The following HESX1 variants were observed in gnomAD, a reference collection of about 807,000 sequenced individuals.
HESX1 encodes HESX homeobox 1.
Under a neutral mutation model 22.5 loss-of-function variants are expected in HESX1, and 11 were observed. That is an observed-to-expected ratio of 0.49 (90% CI 0.31 to 0.81). The LOEUF is 0.81. Among genes scored for constraint, HESX1 ranks in the 30% least tolerant of loss-of-function variants. The pLI is 0.05. For synonymous variants in HESX1, 74 were observed against 76.5 expected, an observed-to-expected ratio of 0.97 and a Z score of 0.17; for missense variants, 201 against 212.6, an observed-to-expected ratio of 0.95 and a Z score of 0.34.
chr3:57,199,663 A>G (rs1487778058), intron 1 of HESX1, 99 bp downstream of exon 1: 2 of 707,328 alleles, frequency 2.8e-6, no homozygotes, highest in Non-Finnish European at 4.3e-6. Context: ...AAATTAAATT[A>G]AAGTCCTAAA....
chr3:57,202,988 A>C (rs2060498851), upstream of HESX1, among the ~76,000 whole-genome samples: 2 of 152,210 alleles, frequency 1.3e-5, no homozygotes, highest in Admixed American at 6.5e-5. Flanking sequence ...GAGTGAAGTC[A>C]GTGGTACCAG....
At position 57,217,861 on chromosome 3, in the gene HESX1, T is replaced by C. The variant is rs111581495; in HGVS notation, c.-111+8435A>G. Among the ~76,000 whole-genome samples the C allele has an allele frequency of 1.2e-3, 190 of 152,232 alleles. 1 individual carries two copies. The highest frequency in any genetic ancestry group is 4.4e-3 in the African/African-American group (182 of 41,510). ...CCAAACACCCTCTTTACCAATTTTG[T>C]GCTCTGACAACCCCCTCCACAGATG... On this transcript the variant is annotated intron_variant, in intron 1 of 2. Coordinates refer to the HESX1 transcript ENST00000495160.
chr3:57,207,276 A>C (rs1184047365), intron 1 of HESX1, among the ~76,000 whole-genome samples: 2 of 152,168 alleles, frequency 1.3e-5, no homozygotes, highest in Non-Finnish European at 2.9e-5. Flanking sequence ...GTAAAGGTTA[A>C]CAATGACATT....
intron 1 of HESX1, among the ~76,000 whole-genome samples, chr3:57,215,852 G>A (rs990942235): frequency 4.6e-5 from 7 of 151,920 alleles, no homozygotes; most frequent in African/African-American, 1.7e-4. Flanking sequence ...CATGTTCAAC[G>A]GTCTATTCAC....
rs1405988156 is a variant in HESX1 at position 57,198,928 on chromosome 3, T to C, written c.182A>G (p.His61Arg). ...AATCCCACTGGGAGGATTTGGGACA[T>C]GTAGACATAAGTTACCATCTTTCCC... ...SSGKDGNLCL[H>R]VPNPPSGISF... The change falls in exon 2 of 4, where the codon CAT (histidine) becomes CGT (arginine). Residue 61 changes from histidine (H) to arginine (R), a missense_variant. Coordinates refer to ENST00000295934, the MANE Select transcript of HESX1 (RefSeq NM_003865.3). 10 of 1,614,046 alleles carry C rather than the reference T, an allele frequency of 6.2e-6. No individual in the cohort carries two copies. Among genetic ancestry groups the C allele is most frequent in the South Asian group, 1.1e-5 (1 of 91,090 alleles).
upstream of HESX1, among the ~76,000 whole-genome samples, chr3:57,200,470 T>C (rs1458068681): frequency 6.6e-6 from 1 of 152,216 alleles, no homozygotes; most frequent in Non-Finnish European, 1.5e-5. Context: ...TGCCTGTTTT[T>C]CATATGCATA....
chr3:57,223,531 C>A (rs933567502), intron 1 of HESX1, among the ~76,000 whole-genome samples: 1 of 152,188 alleles, frequency 6.6e-6, no homozygotes, highest in African/African-American at 2.4e-5. Flanking sequence ...GAAGAACCAA[C>A]CAGTTGGTCC....
At chr3:57,218,446 T>C (rs1035199736) in intron 1 of HESX1, among the ~76,000 whole-genome samples, 1 of 148,630 alleles carries the variant, frequency 6.7e-6, no homozygotes, top group East Asian at 2.0e-4. Context: ...ATTCTTTTTT[T>C]TTTTTTTTTT....
chr3:57,221,360 T>C (rs1320924725), intron 1 of HESX1, among the ~76,000 whole-genome samples: 1 of 152,142 alleles, frequency 6.6e-6, no homozygotes, highest in African/African-American at 2.4e-5. Flanking sequence ...TCTTGTCATG[T>C]TGCTCAGGCT....
intron 1 of HESX1, among the ~76,000 whole-genome samples, chr3:57,225,140 T>A (rs921217883): frequency 1.2e-4 from 18 of 152,192 alleles, no homozygotes; most frequent in African/African-American, 4.3e-4. Context: ...CAAAAAGGAC[T>A]ATGAATTTTG....
rs796982407 is a variant in HESX1, at chr3:57,220,594, C to T, written c.-111+5702G>A. Among the ~76,000 whole-genome samples the T allele has an allele frequency of 4.6e-5, 7 of 152,156 alleles. No individual in the cohort carries two copies. The East Asian group carries it at 9.7e-4, about 21-fold the overall frequency. On this transcript the variant is annotated intron_variant, in intron 1 of 2. Transcript: ENST00000495160. Reference sequence around the variant, plus strand: ...ACAGGCGTGCACCACCACTGCCCATCTAATTTTTGTATTTTTAGTGGAGAC... The same window carrying T: ...ACAGGCGTGCACCACCACTGCCCATTTAATTTTTGTATTTTTAGTGGAGAC...
At chr3:57,218,222 C>G (rs2060594364) in intron 1 of HESX1, among the ~76,000 whole-genome samples, 1 of 152,042 alleles carries the variant, frequency 6.6e-6, no homozygotes, top group African/African-American at 2.4e-5. Flanking sequence ...GCCTAGCACC[C>G]AATAGTTATT....
At position 57,210,341 on chromosome 3, in the gene HESX1, C is replaced by T. The variant is rs113333048; in HGVS notation, c.-110-10313G>A. ...TATTCATGTTTTGATAAATATTTAT[C>T]TTTAAATTGTGTATTTCAATTAATA... On this transcript the variant is annotated intron_variant, in intron 1 of 2. Transcript: ENST00000495160. Among the ~76,000 whole-genome samples the T allele has an allele frequency of 1.2e-3, 190 of 152,112 alleles. 1 individual carries two copies. Among genetic ancestry groups the T allele is most frequent in the African/African-American group, 4.4e-3 (182 of 41,502 alleles).
Sources: allele counts gnomAD v4.1 joint callset (sites outside exome capture counted in the v4.1 genomes callset), GRCh38; gene constraint gnomAD v4.1.1; transcripts MANE v1.5; gene names NCBI Gene and HGNC (gene_info 2026-07-23, HGNC 2026-07-21).